The following CHRNA7 variants were observed in gnomAD, a reference collection of about 807,000 sequenced individuals.
CHRNA7 encodes the protein neuronal acetylcholine receptor subunit alpha-7.
In CHRNA7, 17 loss-of-function variants were observed where a neutral mutation model predicts 48.0. The observed-to-expected ratio is 0.35, with a 90% confidence interval of 0.24 to 0.53. The LOEUF is 0.53. Ranked by LOEUF, CHRNA7 falls within the 20% of genes least tolerant of loss-of-function variation. CHRNA7 has a pLI of 0.92. For missense variants in CHRNA7, 155 were observed against 577.7 expected (o/e 0.27, Z 7.50); for synonymous variants, 75 against 242.3 (o/e 0.31, Z 6.41).
At chr15:32,132,659 AAG>A (rs1345028689) in intron 4 of CHRNA7, among the ~76,000 whole-genome samples, 1 of 152,088 alleles carries the variant, frequency 6.6e-6, no homozygotes, top group Non-Finnish European at 1.5e-5. Flanking sequence ...GGCAGAGAGA[AAG>A]AGAGAGGGAG....
At chr15:32,148,490 G>C (rs1277972070) in intron 4 of CHRNA7, among the ~76,000 whole-genome samples, 1 of 152,198 alleles carries the variant, frequency 6.6e-6, no homozygotes, top group East Asian at 1.9e-4. Flanking sequence ...CCTAGGATCA[G>C]AGGGCTCTTG....
intron 4 of CHRNA7, among the ~76,000 whole-genome samples, chr15:32,145,099 G>A (rs929106662): frequency 6.6e-5 from 10 of 152,162 alleles, no homozygotes; most frequent in Non-Finnish European, 1.2e-4. Context: ...TGGGGTTTTG[G>A]TGTGGATGTC....
At chr15:32,056,656 C>T (rs549356347) in intron 2 of CHRNA7, among the ~76,000 whole-genome samples, 9 of 152,282 alleles carry the variant, frequency 5.9e-5, no homozygotes, top group African/African-American at 2.2e-4. Context: ...GAAGCCCTAG[C>T]CCCTGGCCCC....
chr15:32,118,604 A>G (rs1221339231), intron 4 of CHRNA7, among the ~76,000 whole-genome samples: 1 of 152,188 alleles, frequency 6.6e-6, no homozygotes, highest in Non-Finnish European at 1.5e-5. Flanking sequence ...TCACTCTCCC[A>G]GGTCTCATCA....
intron 2 of CHRNA7, among the ~76,000 whole-genome samples, chr15:32,087,962 AT>A (rs2050324889): frequency 1.3e-5 from 2 of 152,048 alleles, no homozygotes; most frequent in Non-Finnish European, 2.9e-5. Flanking sequence ...TTTGTTTTGT[AT>A]TTTGCATTCA....
At chr15:32,125,745 A>G (rs971488379) in intron 4 of CHRNA7, among the ~76,000 whole-genome samples, 49 of 152,160 alleles carry the variant, frequency 3.2e-4, no homozygotes, top group African/African-American at 1.1e-3. Flanking sequence ...TTACCTCCTC[A>G]GGGTCTGATA....
rs530477138 is a variant in CHRNA7, at chr15:32,054,452, C to G, written c.195+23415C>G. 3.3e-5 allele frequency among the ~76,000 whole-genome samples: 5 copies of G among 152,254 alleles called. No homozygotes were observed. In the South Asian group the frequency reaches 1.0e-3, roughly 32 times the overall value. On this transcript the variant is annotated intron_variant, in intron 2 of 9. Coordinates refer to ENST00000306901, the MANE Select transcript of CHRNA7 (RefSeq NM_000746.6). ...TTGGAAGTTATTCTTTAACCCTATT[C>G]TAAAACTTTAAATTGTAGTAGAGTA... is the stretch of plus-strand genomic sequence containing the variant.
intron 2 of CHRNA7, among the ~76,000 whole-genome samples, chr15:32,071,152 T>G (rs1224202095): frequency 6.6e-6 from 1 of 152,200 alleles, no homozygotes; most frequent in Non-Finnish European, 1.5e-5. Context: ...ATCTATGTAT[T>G]AATCCCTCAA....
intron 2 of CHRNA7, among the ~76,000 whole-genome samples, chr15:32,086,002 T>C (rs564219230): frequency 1.3e-5 from 2 of 152,140 alleles, no homozygotes; most frequent in Non-Finnish European, 2.9e-5. Flanking sequence ...CAATGTGACT[T>C]AGTTAATTTT....
intron 4 of CHRNA7, among the ~76,000 whole-genome samples, chr15:32,142,772 T>C (rs2051408227): frequency 6.6e-6 from 1 of 152,180 alleles, no homozygotes; most frequent in South Asian, 2.1e-4. Context: ...ATATCCCCTT[T>C]ATCATTTTTT....
chr15:32,147,903 C>T (rs1054830462), intron 4 of CHRNA7, among the ~76,000 whole-genome samples: 5 of 152,204 alleles, frequency 3.3e-5, no homozygotes, highest in Middle Eastern at 3.2e-3. Context: ...GCATTGCTTC[C>T]GTCAGTGGTG....
intron 2 of CHRNA7, chr15:32,100,284 C>T (rs919835841): frequency 6.6e-6 from 1 of 152,116 alleles, no homozygotes; most frequent in Admixed American, 6.5e-5. Flanking sequence ...AACATCTTCA[C>T]AGGGGCATTA....
intron 2 of CHRNA7, among the ~76,000 whole-genome samples, chr15:32,062,303 A>G (rs188826574): frequency 1.5e-3 from 229 of 152,358 alleles, no homozygotes; most frequent in African/African-American, 5.3e-3. Flanking sequence ...ATGAAATTAC[A>G]TAATCATTTT....
At chr15:32,032,868 G>A (rs1246475866) in intron 2 of CHRNA7, among the ~76,000 whole-genome samples, 5 of 152,172 alleles carry the variant, frequency 3.3e-5, no homozygotes, top group Non-Finnish European at 5.9e-5. Context: ...GCTTTCTTCT[G>A]GGAACTTCTT....
intron 2 of CHRNA7, among the ~76,000 whole-genome samples, chr15:32,060,346 G>T (rs566443164): frequency 1.3e-5 from 2 of 152,160 alleles, no homozygotes; most frequent in Non-Finnish European, 2.9e-5. Context: ...ACCTGTGTGT[G>T]TGTGTGCACG....
intron 4 of CHRNA7, among the ~76,000 whole-genome samples, chr15:32,153,229 G>C (rs562765222): frequency 3.9e-5 from 6 of 151,954 alleles, no homozygotes; most frequent in African/African-American, 1.4e-4. Flanking sequence ...GACCATCCCG[G>C]CTAACATAGT....
intron 4 of CHRNA7, among the ~76,000 whole-genome samples, chr15:32,124,856 T>TC (rs1478205708): frequency 2.0e-5 from 3 of 152,158 alleles, no homozygotes; most frequent in African/African-American, 2.4e-5. Flanking sequence ...TTTCTTCCTG[T>TC]CTCTGCTTAT....
rs1256149074 is a variant in CHRNA7 at position 32,169,046 on chromosome 15, AAAGAC to A, written c.*590_*594del. ...TGTTTCTACATTAAAAAAAAAAAAAAAAGACAGACTGTTGGTCTTACTAAGGATGT... is the reference window on the plus strand; with the variant it reads ...TGTTTCTACATTAAAAAAAAAAAAAAAGACTGTTGGTCTTACTAAGGATGT... On this transcript the variant is annotated 3_prime_UTR_variant, in exon 10 of 10. Transcript: ENST00000306901. The A allele has an allele frequency of 6.7e-6, 1 of 149,400 alleles. No homozygotes were observed. The highest frequency in any genetic ancestry group is 1.5e-5 in the Non-Finnish European group (1 of 67,632). The allele number at this position is 149,400 out of a possible 1,614,324, so 9.3% of individuals were successfully genotyped here. A position where few individuals can be genotyped will look rare whatever the true frequency, so the allele number is the denominator to read the frequency against.
chr15:32,086,390 A>T (rs796077591), intron 2 of CHRNA7, among the ~76,000 whole-genome samples: 1,430 of 132,138 alleles, frequency 0.011, 17 homozygotes, highest in African/African-American at 0.038. Context: ...AAAAAAAAAA[A>T]GATAAACACT....
Sources: allele counts gnomAD v4.1 joint callset (sites outside exome capture counted in the v4.1 genomes callset), GRCh38; gene constraint gnomAD v4.1.1; transcripts MANE v1.5; gene names NCBI Gene and HGNC (gene_info 2026-07-23, HGNC 2026-07-21).